The following RIMS2 variants were observed in gnomAD, a reference collection of about 807,000 sequenced individuals.
RIMS2 encodes the protein regulating synaptic membrane exocytosis 2, also known as regulating synaptic membrane exocytosis protein 2.
RIMS2 carries 59 observed loss-of-function variants against 174.4 expected under a neutral mutation model. That is an observed-to-expected ratio of 0.34 (90% CI 0.27 to 0.42). The LOEUF (loss-of-function observed/expected upper bound fraction) is 0.42, where lower values mean the gene tolerates loss of function less well. RIMS2 is among the 10% of genes least tolerant of loss of function. RIMS2 has a pLI of 1.00. For missense variants in RIMS2, 1,620 were observed against 1,666.3 expected (o/e 0.97, Z 0.48); for synonymous variants, 606 against 572.5 (o/e 1.06, Z -0.84).
At chr8:103,587,467 AG>A (rs144504341) in intron 1 of RIMS2, among the ~76,000 whole-genome samples, 3,471 of 72,528 alleles carry the variant, frequency 0.048, 124 homozygotes, top group African/African-American at 0.12. Flanking sequence ...AAAGAAAGAA[AG>A]AAACTATGCA....
At chr8:103,654,399 AT>A (rs2096496714) in intron 1 of RIMS2, among the ~76,000 whole-genome samples, 1 of 152,002 alleles carries the variant, frequency 6.6e-6, no homozygotes, top group South Asian at 2.1e-4. Context: ...GGTAGAAAAA[AT>A]TAGCACTTTT....
Position 103,737,370 on chromosome 8 carries a change from A to G in RIMS2, c.388-28857A>G, listed in dbSNP as rs538068575. On this transcript the variant is annotated intron_variant, in intron 2 of 23. Transcript: ENST00000504942. Reference sequence around the variant, plus strand: ...GGCTAATTTTTTTCTATTTTTTAGTAGAGATAGGGTTTCACCATGTTGGCC... The same window carrying G: ...GGCTAATTTTTTTCTATTTTTTAGTGGAGATAGGGTTTCACCATGTTGGCC... 2.0e-5 allele frequency among the ~76,000 whole-genome samples: 3 copies of G among 151,500 alleles called. No individual in the cohort carries two copies. The South Asian group carries it at 6.3e-4, about 32-fold the overall frequency.
At position 103,754,241 on chromosome 8, in the gene RIMS2, G is replaced by T. The variant is rs996215919; in HGVS notation, c.388-11986G>T. On this transcript the variant is annotated intron_variant, in intron 2 of 23. Coordinates refer to ENST00000504942, the Ensembl canonical transcript of RIMS2. ...AGTTTCCATGTAGTTGAGCGGTTTT[G>T]AGTGAGTTTCTTAATCCTGAGTCCT... Among the ~76,000 whole-genome samples, 49 of 152,302 alleles carry T rather than the reference G, an allele frequency of 3.2e-4. 1 individual carries two copies. The highest frequency in any genetic ancestry group is 1.3e-4 in the Non-Finnish European group (9 of 68,036).
chr8:103,896,815 A>T (rs575395363), intron 4 of RIMS2, among the ~76,000 whole-genome samples: 2 of 151,580 alleles, frequency 1.3e-5, no homozygotes, highest in Non-Finnish European at 2.9e-5. Flanking sequence ...CAGTTTCCCT[A>T]TAAGGACTTC....
chr8:104,098,207 T>C (rs896287296), intron 19 of RIMS2, among the ~76,000 whole-genome samples: 1 of 152,168 alleles, frequency 6.6e-6, no homozygotes, highest in African/African-American at 2.4e-5. Flanking sequence ...TAATGAGTAA[T>C]ATATTTATAC....
chr8:103,928,799 A>G (rs1271583469), intron 11 of RIMS2, among the ~76,000 whole-genome samples: 1 of 151,460 alleles, frequency 6.6e-6, no homozygotes, highest in Non-Finnish European at 1.5e-5. Flanking sequence ...TTATACTAAT[A>G]TTTTTATTAA....
chr8:104,022,693 T>C (rs2096134839), intron 19 of RIMS2, among the ~76,000 whole-genome samples: 1 of 152,152 alleles, frequency 6.6e-6, no homozygotes, highest in Non-Finnish European at 1.5e-5. Context: ...GCCTCAGATT[T>C]CTCTTAATGT....
intron 1 of RIMS2, among the ~76,000 whole-genome samples, chr8:103,639,765 T>A (rs1429509035): frequency 2.0e-5 from 3 of 151,936 alleles, no homozygotes; most frequent in Non-Finnish European, 4.4e-5. Flanking sequence ...TGTATAGGTT[T>A]TTGTGTGAAC....
intron 19 of RIMS2, among the ~76,000 whole-genome samples, chr8:104,115,918 C>G (rs1230845304): frequency 6.6e-6 from 1 of 152,012 alleles, no homozygotes; most frequent in East Asian, 1.9e-4. Flanking sequence ...CTCTTTTGGC[C>G]AAAGAGAGTA....
At chr8:104,036,681 A>G (rs1042285452) in intron 19 of RIMS2, among the ~76,000 whole-genome samples, 1 of 151,734 alleles carries the variant, frequency 6.6e-6, no homozygotes, top group African/African-American at 2.4e-5. Flanking sequence ...GTTCGAGACC[A>G]GACTGACCAA....
At chr8:103,805,273 A>G (rs2098642660) in intron 3 of RIMS2, among the ~76,000 whole-genome samples, 1 of 152,174 alleles carries the variant, frequency 6.6e-6, no homozygotes, top group Non-Finnish European at 1.5e-5. Context: ...AGATAGCTCA[A>G]TATATGATAA....
intron 15 of RIMS2, among the ~76,000 whole-genome samples, chr8:103,967,944 T>C (rs985559738): frequency 4.8e-5 from 7 of 145,416 alleles, no homozygotes; most frequent in Non-Finnish European, 6.0e-5. Flanking sequence ...CACTGCAGAC[T>C]CCACCTCCTG....
intron 2 of RIMS2, among the ~76,000 whole-genome samples, chr8:103,750,983 A>G (rs1422527338): frequency 1.3e-5 from 2 of 152,158 alleles, no homozygotes; most frequent in African/African-American, 4.8e-5. Context: ...TTCTCCTGAT[A>G]GAGAATAAGT....
chr8:103,808,717 C>T (rs2098666981), intron 3 of RIMS2, among the ~76,000 whole-genome samples: 1 of 152,140 alleles, frequency 6.6e-6, no homozygotes, highest in South Asian at 2.1e-4. Flanking sequence ...TTGACTGTGA[C>T]CAATCAACGA....
chr8:103,502,804 A>G (rs924677619), intron 1 of RIMS2, among the ~76,000 whole-genome samples: 3 of 152,046 alleles, frequency 2.0e-5, no homozygotes, highest in Non-Finnish European at 4.4e-5. Context: ...TAAATGTAAA[A>G]TGTGTTTTTA....
chr8:104,127,401 G>A (rs1011680649), intron 19 of RIMS2, among the ~76,000 whole-genome samples: 8 of 152,054 alleles, frequency 5.3e-5, no homozygotes, highest in South Asian at 2.1e-4. Context: ...ATCAATGTTC[G>A]GCCCAGAGCT....
intron 19 of RIMS2, among the ~76,000 whole-genome samples, chr8:104,070,780 T>G (rs1467305113): frequency 6.6e-6 from 1 of 151,342 alleles, no homozygotes; most frequent in African/African-American, 2.4e-5. Context: ...ACTTATATAG[T>G]CTCAATAATA....
At chr8:103,712,664 T>C (rs1282087914) in intron 2 of RIMS2, among the ~76,000 whole-genome samples, 10 of 152,108 alleles carry the variant, frequency 6.6e-5, no homozygotes, top group Non-Finnish European at 1.5e-5. Flanking sequence ...GTTTAAGATA[T>C]AAAAAATTCA....
intron 19 of RIMS2, among the ~76,000 whole-genome samples, chr8:104,023,133 C>T (rs1048438937): frequency 2.0e-5 from 3 of 151,878 alleles, no homozygotes; most frequent in African/African-American, 4.8e-5. Flanking sequence ...TAAAGCATTT[C>T]GTGGATATGT....
Sources: allele counts gnomAD v4.1 joint callset (sites outside exome capture counted in the v4.1 genomes callset), GRCh38; gene constraint gnomAD v4.1.1; transcripts MANE v1.5; gene names NCBI Gene and HGNC (gene_info 2026-07-23, HGNC 2026-07-21).